Variants in NR5A2 observed in about 807,000 individuals in gnomAD.
NR5A2 encodes the protein CYP7A promoter-binding factor.
Under a neutral mutation model 62.7 loss-of-function variants are expected in NR5A2, and 26 were observed. The ratio of observed to expected loss-of-function variants is 0.41; its 90% CI spans 0.30 to 0.58. The LOEUF (loss-of-function observed/expected upper bound fraction) is 0.58, where lower values mean the gene tolerates loss of function less well. NR5A2 is among the 20% of genes least tolerant of loss of function. The probability of loss-of-function intolerance (pLI) is 0.22; values close to 1 mark genes in which losing one functional copy is unlikely to be tolerated. For synonymous variants in NR5A2, 246 were observed against 241.7 expected, an observed-to-expected ratio of 1.02 and a Z score of -0.16; for missense variants, 541 against 669.1, an observed-to-expected ratio of 0.81 and a Z score of 2.11.
chr1:200,086,800 C>A (rs922643482), intron 5 of NR5A2, among the ~76,000 whole-genome samples: 1 of 152,036 alleles, frequency 6.6e-6, no homozygotes, highest in African/African-American at 2.4e-5. Flanking sequence ...GCACTTTGGG[C>A]GGCCAAGGCG....
At chr1:200,051,085 T>C (rs1300315430) in intron 5 of NR5A2, among the ~76,000 whole-genome samples, 6 of 152,186 alleles carry the variant, frequency 3.9e-5, no homozygotes, top group Admixed American at 3.9e-4. Flanking sequence ...TCAGTACTAA[T>C]TAAGGACCTA....
intron 7 of NR5A2, among the ~76,000 whole-genome samples, chr1:200,145,514 G>GTA (rs1491549950): frequency 6.9e-5 from 10 of 145,106 alleles, no homozygotes; most frequent in South Asian, 2.2e-4. Flanking sequence ...GTGTGTGTGT[G>GTA]TTATAAAGGT....
intron 5 of NR5A2, among the ~76,000 whole-genome samples, chr1:200,080,344 A>G (rs1664237975): frequency 6.6e-6 from 1 of 152,224 alleles, no homozygotes; most frequent in South Asian, 2.1e-4. Context: ...CTTAATGTTC[A>G]TAGACTTAAT....
intron 5 of NR5A2, among the ~76,000 whole-genome samples, chr1:200,077,840 G>C (rs1664110893): frequency 6.6e-6 from 1 of 152,090 alleles, no homozygotes; most frequent in African/African-American, 2.4e-5. Flanking sequence ...TGACCTTTAG[G>C]GCTCTCGCAG....
At chr1:200,051,748 G>A (rs187968765) in intron 5 of NR5A2, among the ~76,000 whole-genome samples, 1 of 152,152 alleles carries the variant, frequency 6.6e-6, no homozygotes, top group African/African-American at 2.4e-5. Flanking sequence ...ACATTTGGAA[G>A]AATTCCTTTT....
chr1:200,130,580 C>G (rs1435154153), intron 7 of NR5A2, among the ~76,000 whole-genome samples: 3 of 152,186 alleles, frequency 2.0e-5, no homozygotes, highest in African/African-American at 7.2e-5. Context: ...TCCAATTGTG[C>G]ATCAAAATTT....
chr1:200,122,932 T>C (rs1666542364), intron 7 of NR5A2, among the ~76,000 whole-genome samples: 1 of 152,228 alleles, frequency 6.6e-6, no homozygotes, highest in East Asian at 1.9e-4. Flanking sequence ...AAACAGTGGC[T>C]AATCAATTTT....
At chr1:200,040,357 G>C (rs1230940892) in intron 2 of NR5A2, among the ~76,000 whole-genome samples, 2 of 152,198 alleles carry the variant, frequency 1.3e-5, no homozygotes, top group African/African-American at 4.8e-5. Context: ...AGAACTGAAG[G>C]GAACAAGTTA....
chr1:200,083,555 T>G (rs1431936701), intron 5 of NR5A2, among the ~76,000 whole-genome samples: 1 of 152,238 alleles, frequency 6.6e-6, no homozygotes, highest in Non-Finnish European at 1.5e-5. Context: ...GGCTTCGCCA[T>G]GTGTGTATCG....
intron 2 of NR5A2, among the ~76,000 whole-genome samples, chr1:200,043,289 C>A (rs945960304): frequency 6.6e-6 from 1 of 152,178 alleles, no homozygotes; most frequent in Non-Finnish European, 1.5e-5. Flanking sequence ...GTTTCTCTGT[C>A]GGACAGAGTT....
At chr1:200,096,275 A>G (rs900237611) in intron 5 of NR5A2, among the ~76,000 whole-genome samples, 1 of 151,972 alleles carries the variant, frequency 6.6e-6, no homozygotes, top group Non-Finnish European at 1.5e-5. Context: ...TTGAATAGAG[A>G]TGGGGTTTCA....
At chr1:200,065,229 C>G (rs764782548) in intron 5 of NR5A2, among the ~76,000 whole-genome samples, 60 of 152,182 alleles carry the variant, frequency 3.9e-4, no homozygotes, top group Non-Finnish European at 6.8e-4. Context: ...TCACTGCAAC[C>G]TCTGCCTGGG....
chr1:200,052,817 T>C lies in NR5A2; in HGVS notation c.1110+3999T>C, dbSNP rs1027275729. Among the ~76,000 whole-genome samples the C allele has an allele frequency of 1.4e-4, 21 of 152,226 alleles. 1 individual carries two copies. The highest frequency in any genetic ancestry group is 5.8e-4 in the East Asian group (3 of 5,176). On this transcript the variant is annotated intron_variant, in intron 5 of 7. Transcript: ENST00000367362. ...CCACCACGCCGGCTAATTTTTTGTA[T>C]TTTTAGTAGAGACGGTGTTTCACCG...
chr1:200,056,542 T>G (rs1033106495), intron 5 of NR5A2, among the ~76,000 whole-genome samples: 4 of 151,910 alleles, frequency 2.6e-5, no homozygotes, highest in African/African-American at 9.7e-5. Context: ...GTCCTTAGAG[T>G]TTTTTTTGTT....
In NR5A2 at chr1:200,174,267, G is replaced by A. The variant is rs866343588; in HGVS notation, c.*57G>A. 3.4e-6 allele frequency: 5 copies of A among 1,458,368 alleles called. No individual in the cohort carries two copies. The Middle Eastern group carries it at 5.5e-4, about 161-fold the overall frequency. The allele number at this position is 1,458,368 out of a possible 1,614,324, so 90.3% of individuals were successfully genotyped here. A position where few individuals can be genotyped will look rare whatever the true frequency, so the allele number is the denominator to read the frequency against. On this transcript the variant is annotated 3_prime_UTR_variant, in exon 8 of 8. Coordinates refer to ENST00000367362, the MANE Select transcript of NR5A2 (RefSeq NM_205860.3). Reference sequence around the variant, plus strand: ...CAAAAAGAGATTGGGGGAGTGGGGAGGGGGAAGAAGAACAGGAAGAAAAAA... The same window carrying A: ...CAAAAAGAGATTGGGGGAGTGGGGAAGGGGAAGAAGAACAGGAAGAAAAAA...
intron 7 of NR5A2, chr1:200,148,228 G>A: frequency 4.3e-6 from 1 of 230,866 alleles, no homozygotes; most frequent in Non-Finnish European, 9.0e-6. Flanking sequence ...CGACTCCACA[G>A]CGGCAGCATC....
At chr1:200,083,650 A>T (rs1664394232) in intron 5 of NR5A2, among the ~76,000 whole-genome samples, 1 of 152,196 alleles carries the variant, frequency 6.6e-6, no homozygotes, top group Admixed American at 6.5e-5. Context: ...ATTGTACAGT[A>T]TTGTACAGCA....
At chr1:200,139,202 T>C (rs1346987916) in intron 7 of NR5A2, among the ~76,000 whole-genome samples, 1 of 152,244 alleles carries the variant, frequency 6.6e-6, no homozygotes, top group South Asian at 2.1e-4. Flanking sequence ...AATATCCATG[T>C]GGCTGGATAT....
intron 7 of NR5A2, among the ~76,000 whole-genome samples, chr1:200,134,368 G>T (rs1667122438): frequency 6.6e-6 from 1 of 152,104 alleles, no homozygotes; most frequent in East Asian, 1.9e-4. Flanking sequence ...CCATACAGGT[G>T]TGCTATTTTT....
Sources: allele counts gnomAD v4.1 joint callset (sites outside exome capture counted in the v4.1 genomes callset), GRCh38; gene constraint gnomAD v4.1.1; transcripts MANE v1.5; gene names NCBI Gene and HGNC (gene_info 2026-07-23, HGNC 2026-07-21).